The following THRA variants were observed in gnomAD, a reference collection of about 807,000 sequenced individuals.
THRA encodes thyroid hormone receptor alpha.
A neutral mutation model predicts 45.0 loss-of-function variants in THRA; 13 were observed. The observed-to-expected ratio is 0.29, with a 90% CI of 0.19 to 0.46. THRA has a LOEUF of 0.46. THRA is among the 20% of genes least tolerant of loss of function. The pLI, the probability that THRA is intolerant of heterozygous loss-of-function variation, is 1.00. For synonymous variants in THRA, 195 were observed against 214.0 expected (o/e 0.91, Z 0.78); for missense variants, 278 against 556.1 (o/e 0.50, Z 5.03).
chr17:40,084,825 A>AAGGGGGCATGGGGAGAGC lies in THRA; in HGVS notation c.576+13_576+30dup, dbSNP rs1384323780. 4 of 1,612,570 alleles carry AAGGGGGCATGGGGAGAGC rather than the reference A, an allele frequency of 2.5e-6. No individual in the cohort carries two copies. The African/African-American group carries it at 5.3e-5, about 22-fold the overall frequency. Reference sequence around the variant, plus strand: ...GAGGCGGAAATTCCTGGTAAGGAGAAAGGGGGCATGGGGAGAGCAGTAGCC... The same window carrying AAGGGGGCATGGGGAGAGC: ...GAGGCGGAAATTCCTGGTAAGGAGAAAGGGGGCATGGGGAGAGCAGGGGGCATGGGGAGAGCAGTAGCC... On this transcript the variant is annotated intron_variant, in intron 6 of 8. Transcript: ENST00000450525.
At chr17:40,084,148 G>A (rs1464452801) in intron 5 of THRA, among the ~76,000 whole-genome samples, 166 bp downstream of exon 5, 7 of 152,070 alleles carry the variant, frequency 4.6e-5, no homozygotes, top group African/African-American at 1.7e-4. Flanking sequence ...TCCTTCCTGC[G>A]CAAAAGGAAA....
At chr17:40,067,888 C>G (rs146405069) in intron 1 of THRA, among the ~76,000 whole-genome samples, 1 of 152,072 alleles carries the variant, frequency 6.6e-6, no homozygotes, top group African/African-American at 2.4e-5. Flanking sequence ...GGTGTGGTGG[C>G]GCATGCCTGT....
At chr17:40,084,291 C>A in intron 5 of THRA, 1 of 495,644 alleles carries the variant, frequency 2.0e-6, no homozygotes, top group Admixed American at 3.6e-5. Context: ...GCGAAGGCAC[C>A]CCACTTCTAG....
At chr17:40,076,768 A>G (rs1598392287) in intron 2 of THRA, 103 bp from the exon 3 acceptor site, 2 of 1,256,286 alleles carry the variant, frequency 1.6e-6, no homozygotes, top group African/African-American at 1.5e-5. Context: ...TGAGGACACA[A>G]AATGGAAAGA....
At chr17:40,069,359 G>C (rs1482051329) in intron 1 of THRA, among the ~76,000 whole-genome samples, 4 of 150,150 alleles carry the variant, frequency 2.7e-5, no homozygotes, top group Non-Finnish European at 5.9e-5. Context: ...CCTCTGGGGT[G>C]CCTGGGAGAA....
At chr17:40,081,902 G>T (rs1446264471) in intron 4 of THRA, among the ~76,000 whole-genome samples, 1 of 152,074 alleles carries the variant, frequency 6.6e-6, no homozygotes, top group Admixed American at 6.5e-5. Flanking sequence ...GGTGGAGGTT[G>T]CAGTAAGCTG....
chr17:40,085,137 AT>A (rs1348543844), intron 6 of THRA, among the ~76,000 whole-genome samples: 1 of 152,004 alleles, frequency 6.6e-6, no homozygotes, highest in Non-Finnish European at 1.5e-5. Flanking sequence ...ATGTCACAGT[AT>A]TTTTGAGCAC....
At chr17:40,069,206 T>A (rs777967800) in intron 1 of THRA, among the ~76,000 whole-genome samples, 14 of 139,354 alleles carry the variant, frequency 1.0e-4, no homozygotes, top group Admixed American at 1.5e-4. Flanking sequence ...ACACACACAC[T>A]CTCAATCTTT....
At chr17:40,071,073 T>G (rs1008456878) in intron 1 of THRA, among the ~76,000 whole-genome samples, 1 of 150,832 alleles carries the variant, frequency 6.6e-6, no homozygotes, top group Non-Finnish European at 1.5e-5. Context: ...TCCTCCCTTC[T>G]TCCCTCTTTC....
In THRA at chr17:40,077,509, G is replaced by C; in HGVS notation, c.123G>C (p.Gly41=). ...CCTCCATCCTTTCCTTCCTCCCAGGGTATATCCCTAGTTACCTGGACAAAG... is the reference window on the plus strand; with the variant it reads ...CCTCCATCCTTTCCTTCCTCCCAGGCTATATCCCTAGTTACCTGGACAAAG... ...GQCSLKTSMS[G]YIPSYLDKDE... is the part of the protein sequence containing the mutation. Residue 41 remains glycine (G), a splice_region_variant and synonymous_variant, in exon 4 of 9, where the codon GGG becomes GGC. Transcript: ENST00000450525. The C allele has an allele frequency of 1.2e-6, 2 of 1,613,744 alleles. No homozygotes were observed. Among genetic ancestry groups the C allele is most frequent in the Non-Finnish European group, 1.7e-6 (2 of 1,179,734 alleles).
downstream of THRA, chr17:40,093,026 G>A (rs774565016): frequency 1.2e-6 from 2 of 1,612,220 alleles, no homozygotes; most frequent in Non-Finnish European, 1.7e-6. The surrounding 1 kb of genome is among the most constrained non-coding windows in gnomAD (Gnocchi z 5.9). Context: ...AAAGGAGAGA[G>A]AAGTGCAGAG....
intron 2 of THRA, among the ~76,000 whole-genome samples, chr17:40,076,376 A>G (rs1351367959): frequency 6.6e-6 from 1 of 152,208 alleles, no homozygotes; most frequent in Non-Finnish European, 1.5e-5. Flanking sequence ...TAGAGGTTGT[A>G]TAGCACATTT....
At chr17:40,079,197 C>T (rs1223146885) in intron 4 of THRA, among the ~76,000 whole-genome samples, 2 of 152,108 alleles carry the variant, frequency 1.3e-5, no homozygotes, top group Non-Finnish European at 2.9e-5. Context: ...ACAGCAGGTT[C>T]TTCCAGGCAG....
intron 1 of THRA, among the ~76,000 whole-genome samples, chr17:40,066,559 G>T (rs188582684): frequency 7.0e-4 from 106 of 151,804 alleles, no homozygotes; most frequent in Middle Eastern, 3.4e-3. Flanking sequence ...AGCTACTCAG[G>T]AGGCTGAGGC....
In THRA at chr17:40,090,496, C is replaced by T. The variant is rs867154359; in HGVS notation, c.*1040C>T. The T allele has an allele frequency of 6.6e-6, 1 of 152,448 alleles. No homozygotes were observed. The highest frequency in any genetic ancestry group is 1.5e-5 in the Non-Finnish European group (1 of 68,234). 9.4% of individuals were successfully genotyped at this position (152,448 alleles called of 1,614,324 possible). ...ACCCACCCAGGAAAAAACTGTGGCT[C>T]CAACTCCTACCCTCCTTATATCCTG... On this transcript the variant is annotated 3_prime_UTR_variant, in exon 9 of 9. Coordinates refer to ENST00000450525, the MANE Select transcript of THRA (RefSeq NM_199334.5).
rs1018086872 is a variant in THRA, at chr17:40,089,042, T to G, written c.983-164T>G. On this transcript the variant is annotated intron_variant, in intron 8 of 8. Transcript: ENST00000450525. The surrounding 1 kb of genome is among the most constrained non-coding windows in gnomAD (Gnocchi z 6.1). ...CCAGCTGCCTCCCTCTCCCTGTGCT[T>G]CTCCTGTCCACGTCTCTCAGGGGGA... is the stretch of plus-strand genomic sequence containing the variant. 7.5e-6 allele frequency among the ~76,000 whole-genome samples: 1 copy of G among 133,410 alleles called. No individual in the cohort carries two copies. Among genetic ancestry groups the G allele is most frequent in the Non-Finnish European group, 1.6e-5 (1 of 63,060 alleles). The allele number at this position is 133,410 out of a possible 152,430, so 87.5% of individuals were successfully genotyped here.
chr17:40,078,610 G>T (rs1266445467), intron 4 of THRA, among the ~76,000 whole-genome samples: 2 of 152,090 alleles, frequency 1.3e-5, no homozygotes, highest in African/African-American at 2.4e-5. Flanking sequence ...TCGCCTTCAA[G>T]CTGCTCACAG....
chr17:40,084,872 G>A, intron 6 of THRA, 57 bp downstream of exon 6: 1 of 1,589,990 alleles, frequency 6.3e-7, no homozygotes, highest in South Asian at 1.1e-5. Context: ...AGAAGAGAGT[G>A]AGCTCGGAGT....
intron 2 of THRA, among the ~76,000 whole-genome samples, chr17:40,074,743 C>T (rs562002455): frequency 3.3e-5 from 5 of 152,274 alleles, no homozygotes; most frequent in East Asian, 3.9e-4. Context: ...CATTTTGAAG[C>T]GGGGAGCGAT....
Sources: gnomAD v4.1 joint callset for allele counts (sites outside exome capture counted in the v4.1 genomes callset) on GRCh38, gnomAD v4.1.1 for gene constraint, Gnocchi (gnomAD v3.1) non-coding constraint, MANE v1.5 for transcripts, NCBI Gene and HGNC (gene_info 2026-07-23, HGNC 2026-07-21) for gene names.